The following CORO7 variants were observed in gnomAD, a reference collection of about 807,000 sequenced individuals.
CORO7 encodes the protein coronin-7.
A neutral mutation model predicts 126.6 loss-of-function variants in CORO7; 107 were observed. The observed-to-expected ratio is 0.85, with a 90% CI of 0.72 to 0.99. The LOEUF (loss-of-function observed/expected upper bound fraction) is 0.99, where lower values mean the gene tolerates loss of function less well. Ranked by LOEUF, CORO7 falls within the 50% of genes least tolerant of loss-of-function variation. The pLI, the probability that CORO7 is intolerant of heterozygous loss-of-function variation, is 0.00. For synonymous variants in CORO7, 603 were observed against 536.8 expected, an observed-to-expected ratio of 1.12 and a Z score of -1.70; for missense variants, 1,314 against 1,255.8, an observed-to-expected ratio of 1.05 and a Z score of -0.70.
In CORO7 at chr16:4,359,582, G is replaced by A. The variant is rs2054093052; in HGVS notation, c.2148C>T (p.Ala716=). 6.2e-7 allele frequency: 1 copy of A among 1,611,266 alleles called. No homozygotes were observed. The highest frequency in any genetic ancestry group is 1.3e-5 in the African/African-American group (1 of 74,910). Residue 716 remains alanine (A), a synonymous_variant, in exon 22 of 28, where the codon GCC becomes GCT. Transcript: ENST00000251166. ...ACACTGCCAAGGGTCCGCCGGCCAG[G>A]GCCTCAGCTTCATATAGGAGCAGCT... ...ERQLLLYEAE[A]LAGGPLAVLG...
chr16:4,403,485 T>C (rs1474491560), intron 6 of CORO7, among the ~76,000 whole-genome samples: 1 of 152,070 alleles, frequency 6.6e-6, no homozygotes, highest in African/African-American at 2.4e-5. Context: ...GGGGAGTCGT[T>C]CCACTAAGCA....
rs759118455 is a variant in CORO7, at chr16:4,360,446, G to GCAGGGGCT, written c.2012_2019dup (p.Gln674SerfsTer77). 2.5e-6 allele frequency: 4 copies of GCAGGGGCT among 1,612,796 alleles called. No homozygotes were observed. The highest frequency in any genetic ancestry group is 3.4e-6 in the Non-Finnish European group (4 of 1,179,818). On this transcript the variant is annotated frameshift_variant, in exon 20 of 28. Coordinates refer to ENST00000251166, the MANE Select transcript of CORO7 (RefSeq NM_024535.5). LOFTEE classifies it high-confidence loss of function. ...CTCCCCAGCCCCTGTGTGCTCACCT[G>GCAGGGGCT]CAGGGGCTCAGGGCCACTCCGGGGC...
intron 1 of CORO7, among the ~76,000 whole-genome samples, chr16:4,413,726 T>C (rs1368382771): frequency 3.3e-5 from 5 of 151,626 alleles, no homozygotes; most frequent in Admixed American, 6.6e-5. Context: ...TTAGTAGAGA[T>C]GGGGTTTCAC....
chr16:4,399,591 T>G (rs1474948636), intron 6 of CORO7, among the ~76,000 whole-genome samples: 2 of 152,206 alleles, frequency 1.3e-5, no homozygotes, highest in Non-Finnish European at 2.9e-5. Context: ...GTAAATATAC[T>G]TAACACTACT....
chr16:4,385,503 G>A (rs1282763560), intron 9 of CORO7, among the ~76,000 whole-genome samples: 1 of 152,196 alleles, frequency 6.6e-6, no homozygotes, highest in Non-Finnish European at 1.5e-5. Context: ...CCCAAGACAG[G>A]TGTATCTCTG....
intron 7 of CORO7, among the ~76,000 whole-genome samples, chr16:4,390,494 T>C (rs2055349343): frequency 6.6e-6 from 1 of 151,942 alleles, no homozygotes; most frequent in Non-Finnish European, 1.5e-5. Context: ...GCTGGGAGGG[T>C]TGATAGGCGT....
At chr16:4,372,419 G>A (rs1211821798) in intron 9 of CORO7, among the ~76,000 whole-genome samples, 2 of 152,232 alleles carry the variant, frequency 1.3e-5, no homozygotes, top group Non-Finnish European at 2.9e-5. Context: ...AGGGCTGCCC[G>A]GGGTCCTCTG....
rs1176488844 is a variant in CORO7 at position 4,391,533 on chromosome 16, G to A, written c.616-2902C>T. ...ACTGTGCCCCTGTGCTCCAGCCTGG[G>A]TGACAGAGCAAGACTCTATCTCAAA... On this transcript the variant is annotated intron_variant, in intron 7 of 27. Coordinates refer to ENST00000251166, the MANE Select transcript of CORO7 (RefSeq NM_024535.5). 8.6e-5 allele frequency among the ~76,000 whole-genome samples: 13 copies of A among 151,148 alleles called. No homozygotes were observed. In the East Asian group the frequency reaches 2.1e-3, roughly 25 times the overall value.
rs1345401548 is a variant in CORO7 at position 4,361,424 on chromosome 16, G to T, written c.1624C>A (p.Gln542Lys). The T allele has an allele frequency of 6.2e-7, 1 of 1,611,880 alleles. No individual in the cohort carries two copies. The highest frequency in any genetic ancestry group is 8.5e-7 in the Non-Finnish European group (1 of 1,179,692). Residue 542 changes from glutamine to lysine, a missense_variant, in exon 17 of 28, where the codon CAG (glutamine) becomes AAG (lysine). Physicochemically the swap from Gln to Lys is moderately conservative, Grantham distance 53. Coordinates refer to ENST00000251166, the MANE Select transcript of CORO7 (RefSeq NM_024535.5). ...AGATCAGTCACAGCTGCCCCATTCT[G>T]CAGCGTGGGCAGTGCCGTGTCGGGC... ...RLPDTALPTL[Q>K]NGAAVTDLAW...
intron 6 of CORO7, among the ~76,000 whole-genome samples, chr16:4,405,285 G>A (rs547199827): frequency 6.6e-6 from 1 of 152,364 alleles, no homozygotes; most frequent in African/African-American, 2.4e-5. Context: ...GCTCTCATCT[G>A]ACAGGGGCCT....
chr16:4,365,099 A>T, intron 10 of CORO7, 39 bp from the exon 11 acceptor site: 4 of 1,565,644 alleles, frequency 2.6e-6, no homozygotes, highest in African/African-American at 1.4e-5. Context: ...TGCTGACTGA[A>T]CCCCTGGGGA....
At chr16:4,410,399 T>G (rs1402585639) in intron 3 of CORO7, among the ~76,000 whole-genome samples, 3 of 152,132 alleles carry the variant, frequency 2.0e-5, no homozygotes, top group Non-Finnish European at 4.4e-5. Context: ...CACTCCAGCC[T>G]GGATGACAGA....
intron 7 of CORO7, among the ~76,000 whole-genome samples, chr16:4,393,901 C>G (rs2055484979): frequency 6.6e-6 from 1 of 152,106 alleles, no homozygotes; most frequent in South Asian, 2.1e-4. Context: ...GAGTTCGAGA[C>G]CAGCCTGACC....
Position 4,368,636 on chromosome 16 carries a change from T to C in CORO7, c.786-3091A>G, listed in dbSNP as rs535542459. On this transcript the variant is annotated intron_variant, in intron 9 of 27. Transcript: ENST00000251166. ...GGTGGCGTGCACCTGGAATCCCAGC[T>C]ACTCAGGAGGCTGAGGCAGGAGAAT... is the stretch of plus-strand genomic sequence containing the variant. Among the ~76,000 whole-genome samples, 688 of 151,128 alleles carry C rather than the reference T, an allele frequency of 4.6e-3. 5 individuals are homozygous for C. Among genetic ancestry groups the C allele is most frequent in the Non-Finnish European group, 6.5e-3 (439 of 67,892 alleles).
intron 6 of CORO7, among the ~76,000 whole-genome samples, chr16:4,402,619 G>A (rs1213894871): frequency 1.3e-5 from 2 of 152,294 alleles, no homozygotes; most frequent in Middle Eastern, 3.4e-3. Context: ...GGGGCTAAGG[G>A]CGGAACTCAC....
intron 5 of CORO7, among the ~76,000 whole-genome samples, chr16:4,406,114 C>A (rs2055988570): frequency 6.6e-6 from 1 of 152,134 alleles, no homozygotes; most frequent in Non-Finnish European, 1.5e-5. Context: ...ATTCTCCTGC[C>A]TCGGCTTCCC....
At chr16:4,388,518 C>G (rs775225598) in intron 8 of CORO7, 27 bp downstream of exon 8, 1 of 1,604,814 alleles carries the variant, frequency 6.2e-7, no homozygotes, top group South Asian at 1.1e-5. Context: ...CTGGCCGTGC[C>G]CTGCTCCTCC....
intron 22 of CORO7, 22 bp from the exon 23 acceptor site, chr16:4,359,407 G>T: frequency 6.2e-7 from 1 of 1,613,538 alleles, no homozygotes; most frequent in African/African-American, 1.3e-5. Context: ...AAGGCAGGCT[G>T]GGAACCCTCC....
In CORO7 at chr16:4,364,584, G is replaced by T. The variant is rs1321214748; in HGVS notation, c.1137+13C>A. ...CGGGGAGGCTGGGAGAGGTGAGCCAGCCCTGGTCCTACCTGCTGGTTGTCC... is the reference window on the plus strand; with the variant it reads ...CGGGGAGGCTGGGAGAGGTGAGCCATCCCTGGTCCTACCTGCTGGTTGTCC... On this transcript the variant is annotated intron_variant, in intron 13 of 27. Transcript: ENST00000251166. 1.3e-6 allele frequency: 2 copies of T among 1,551,646 alleles called. No homozygotes were observed. The highest frequency in any genetic ancestry group is 1.7e-6 in the Non-Finnish European group (2 of 1,148,362).
Sources: gnomAD v4.1 joint callset for allele counts (sites outside exome capture counted in the v4.1 genomes callset) on GRCh38, gnomAD v4.1.1 for gene constraint, MANE v1.5 for transcripts, NCBI Gene and HGNC (gene_info 2026-07-23, HGNC 2026-07-21) for gene names.